The following SNRK variants were observed in gnomAD, a reference collection of about 807,000 sequenced individuals.
SNRK encodes the protein SNF-related serine/threonine-protein kinase.
SNRK carries 3 observed loss-of-function variants against 48.2 expected under a neutral mutation model. That is an observed-to-expected ratio of 0.06 (90% CI 0.03 to 0.16). SNRK has a LOEUF of 0.16. SNRK is among the 10% of genes least tolerant of loss of function. The pLI, the probability that SNRK is intolerant of heterozygous loss-of-function variation, is 1.00. For missense variants in SNRK, 627 were observed against 976.0 expected (o/e 0.64, Z 4.76); for synonymous variants, 376 against 366.1 (o/e 1.03, Z -0.31).
chr3:43,289,581 C>T (rs73831236), intron 1 of SNRK, among the ~76,000 whole-genome samples: 3,803 of 152,192 alleles, frequency 0.025, 159 homozygotes, highest in African/African-American at 0.084. Context: ...TCCAGAGCTA[C>T]GTCATTGATC....
intron 3 of SNRK, among the ~76,000 whole-genome samples, chr3:43,329,109 C>T (rs1273093840): frequency 6.6e-6 from 1 of 152,080 alleles, no homozygotes; most frequent in East Asian, 1.9e-4. Context: ...GTTGAGTGGC[C>T]TGTTTTTATC....
In SNRK at chr3:43,299,771, C is replaced by G. The variant is rs955381615; in HGVS notation, c.-151C>G. On this transcript the variant is annotated 5_prime_UTR_variant, in exon 2 of 7. Coordinates refer to ENST00000296088, the MANE Select transcript of SNRK (RefSeq NM_017719.5). ...TCTTTTAGGAAAAAGAAGCAACTAA[C>G]AAAACACTGTGATAATAAGGATTAT... 2.0e-5 allele frequency: 3 copies of G among 152,592 alleles called. No homozygotes were observed. 9.5% of individuals were successfully genotyped at this position (152,592 alleles called of 1,614,324 possible).
At chr3:43,304,423 G>C (rs534180473) in intron 3 of SNRK, among the ~76,000 whole-genome samples, 4 of 152,188 alleles carry the variant, frequency 2.6e-5, no homozygotes, top group African/African-American at 9.6e-5. Flanking sequence ...GGTGGATTCT[G>C]GAATTGTGGT....
At chr3:43,321,514 G>T (rs535094711) in intron 3 of SNRK, among the ~76,000 whole-genome samples, 1 of 152,080 alleles carries the variant, frequency 6.6e-6, no homozygotes, top group Non-Finnish European at 1.5e-5. Context: ...TATTTTGCTC[G>T]TAGCTGTCAT....
At position 43,287,072 on chromosome 3, in the gene SNRK, C is replaced by T. The variant is rs1407445952; in HGVS notation, c.-169+397C>T. Reference sequence around the variant, plus strand: ...TGCGGCGCCCGCGGGGCCCCGCGCCCTGGGCGCTTGGTAGGGTGTGTGTTC... The same window carrying T: ...TGCGGCGCCCGCGGGGCCCCGCGCCTTGGGCGCTTGGTAGGGTGTGTGTTC... On this transcript the variant is annotated intron_variant, in intron 1 of 6. Coordinates refer to ENST00000296088, the MANE Select transcript of SNRK (RefSeq NM_017719.5). 9.3e-5 allele frequency among the ~76,000 whole-genome samples: 14 copies of T among 151,174 alleles called. No individual in the cohort carries two copies. The East Asian group carries it at 9.8e-4, about 11-fold the overall frequency.
intron 3 of SNRK, among the ~76,000 whole-genome samples, chr3:43,326,484 A>G (rs1479645145): frequency 6.6e-6 from 1 of 152,072 alleles, no homozygotes; most frequent in Non-Finnish European, 1.5e-5. Context: ...TTCTGTGCTC[A>G]AGGAGCTCCA....
chr3:43,340,489 G>T lies in SNRK; in HGVS notation c.934G>T (p.Ala312Ser), dbSNP rs917888418. The T allele has an allele frequency of 1.9e-6, 3 of 1,613,922 alleles. No individual in the cohort carries two copies. In the African/African-American group the frequency reaches 4.0e-5, roughly 22 times the overall value. ...GCTTGGGGACATAGCGGATCGAGACGCCATTGTAGAGTACGTCAATGCCCG... is the reference window on the plus strand; with the variant it reads ...GCTTGGGGACATAGCGGATCGAGACTCCATTGTAGAGTACGTCAATGCCCG... ...MVLGDIADRDAIVEALETNRY... is the reference protein window; with the variant it reads ...MVLGDIADRDSIVEALETNRY... The change falls in exon 5 of 7, where the codon GCC becomes TCC. Residue 312 changes from alanine to serine, a missense_variant. By Grantham distance (99) the Ala-to-Ser change is moderately conservative (BLOSUM62 1). Coordinates refer to ENST00000296088, the MANE Select transcript of SNRK (RefSeq NM_017719.5).
At chr3:43,342,061 TGGGTAAAA>T (rs761808190) in intron 5 of SNRK, among the ~76,000 whole-genome samples, 3 of 152,198 alleles carry the variant, frequency 2.0e-5, no homozygotes, top group Non-Finnish European at 2.9e-5. Context: ...CACTTTTGAG[TGGGTAAAA>T]GGCTGTTTGT....
In SNRK at chr3:43,303,159, A is replaced by G. The variant is rs1449023307; in HGVS notation, c.-45A>G. 7.2e-7 allele frequency: 1 copy of G among 1,389,278 alleles called. No homozygotes were observed. Among genetic ancestry groups the G allele is most frequent in the East Asian group, 2.3e-5 (1 of 43,422 alleles). 86.1% of individuals were successfully genotyped at this position (1,389,278 alleles called of 1,614,324 possible). ...TCACCAGATATTCTTATATGAGAAG[A>G]TCTATTTTAAACAGTCTAAATATTT... On this transcript the variant is annotated 5_prime_UTR_variant, in exon 3 of 7. Transcript: ENST00000296088. The surrounding 1 kb of genome is among the most constrained non-coding windows in gnomAD (Gnocchi z 6.2).
chr3:43,315,800 G>A (rs1008140437), intron 3 of SNRK, among the ~76,000 whole-genome samples: 1 of 152,138 alleles, frequency 6.6e-6, no homozygotes, highest in Admixed American at 6.5e-5. Flanking sequence ...AACGAACAAC[G>A]TATCCATAGA....
chr3:43,315,663 A>G (rs1191223846), intron 3 of SNRK, among the ~76,000 whole-genome samples: 2 of 152,214 alleles, frequency 1.3e-5, no homozygotes, highest in Non-Finnish European at 2.9e-5. Context: ...AGTTTGATCT[A>G]CTTTAAAGTA....
chr3:43,344,546 G>C (rs983097459), intron 6 of SNRK, among the ~76,000 whole-genome samples: 1 of 152,126 alleles, frequency 6.6e-6, no homozygotes, highest in African/African-American at 2.4e-5. Context: ...TGCTTGGGTG[G>C]AATGGCAGAG....
At chr3:43,345,716 A>G (rs1254630761) in intron 6 of SNRK, among the ~76,000 whole-genome samples, 7 of 152,232 alleles carry the variant, frequency 4.6e-5, no homozygotes, top group African/African-American at 1.7e-4. Context: ...GATGTGGCTT[A>G]GCTGAAAGGA....
intron 1 of SNRK, among the ~76,000 whole-genome samples, chr3:43,291,490 C>G (rs1455837211): frequency 6.6e-6 from 1 of 152,060 alleles, no homozygotes; most frequent in South Asian, 2.1e-4. Flanking sequence ...TATATACAAC[C>G]CCTTTCAAAT....
At chr3:43,307,741 A>G (rs1025182874) in intron 3 of SNRK, among the ~76,000 whole-genome samples, 1 of 152,130 alleles carries the variant, frequency 6.6e-6, no homozygotes, top group Admixed American at 6.5e-5. Context: ...TCTCTGAGAT[A>G]CAACAATATT....
intron 3 of SNRK, among the ~76,000 whole-genome samples, chr3:43,314,454 A>G (rs941996861): frequency 4.6e-5 from 7 of 152,180 alleles, no homozygotes; most frequent in Admixed American, 4.6e-4. Context: ...TATCATTTGT[A>G]TAATATGCCA....
chr3:43,339,610 G>C (rs1301933704), intron 4 of SNRK, among the ~76,000 whole-genome samples: 1 of 151,638 alleles, frequency 6.6e-6, no homozygotes, highest in African/African-American at 2.4e-5. Flanking sequence ...TAGGTCAGGA[G>C]ATCAAGACCA....
rs548954023 is a variant in SNRK at position 43,337,102 on chromosome 3, C to T, written c.732-3185C>T. Among the ~76,000 whole-genome samples the T allele has an allele frequency of 4.0e-5, 6 of 150,790 alleles. No homozygotes were observed. The South Asian group carries it at 1.3e-3, about 32-fold the overall frequency. Reference sequence around the variant, plus strand: ...TTTTCTATTTTTTTTGAGGTGGAGTCTCGATCTGTCGCCCAGGCTCGAGTG... The same window carrying T: ...TTTTCTATTTTTTTTGAGGTGGAGTTTCGATCTGTCGCCCAGGCTCGAGTG... On this transcript the variant is annotated intron_variant, in intron 4 of 6. Transcript: ENST00000296088.
rs879820146 is a variant in SNRK, at chr3:43,302,450, GA to G, written c.-106-639del. Among the ~76,000 whole-genome samples the G allele has an allele frequency of 5.3e-3, 797 of 150,444 alleles. 14 individuals carry two copies. Among genetic ancestry groups the G allele is most frequent in the Admixed American group, 0.014 (205 of 15,096 alleles). ...TTCTAGGTGTTGGGGGAAAGTAGAA[GA>G]AAAAAAAATAGAACCTTAGAATAGA... On this transcript the variant is annotated intron_variant, in intron 2 of 6. Coordinates refer to ENST00000296088, the MANE Select transcript of SNRK (RefSeq NM_017719.5).
Sources: allele counts gnomAD v4.1 joint callset (sites outside exome capture counted in the v4.1 genomes callset), GRCh38; gene constraint gnomAD v4.1.1; non-coding constraint Gnocchi (gnomAD v3.1); transcripts MANE v1.5; gene names NCBI Gene and HGNC (gene_info 2026-07-23, HGNC 2026-07-21).